LRP1B: variants seen among roughly 807,000 people sequenced by gnomAD.
The protein encoded by LRP1B is low-density lipoprotein receptor-related protein 1B.
LRP1B carries 217 observed loss-of-function variants against 556.6 expected under a neutral mutation model. The observed-to-expected ratio is 0.39, with a 90% confidence interval of 0.35 to 0.44. The LOEUF (loss-of-function observed/expected upper bound fraction) is 0.44. LRP1B is among the 20% of genes least tolerant of loss of function. The pLI is 1.00. For missense variants in LRP1B, 5,053 were observed against 5,620.8 expected (o/e 0.90, Z 3.23); for synonymous variants, 2,047 against 1,865.8 (o/e 1.10, Z -2.50).
chr2:140,804,038 T>TAAA, intron 32 of LRP1B, among the ~76,000 whole-genome samples: 1 of 151,172 alleles, frequency 6.6e-6, no homozygotes, highest in East Asian at 2.0e-4. Context: ...AGCTGCTTTT[T>TAAA]ACATTCAGGG....
At chr2:141,520,615 G>A in intron 2 of LRP1B, among the ~76,000 whole-genome samples, 1 of 152,018 alleles carries the variant, frequency 6.6e-6, no homozygotes, top group Non-Finnish European at 1.5e-5. Context: ...AACTGTGACG[G>A]CGATGGTAAA....
chr2:142,011,260 A>C (rs998325161), intron 1 of LRP1B, among the ~76,000 whole-genome samples: 6 of 152,184 alleles, frequency 3.9e-5, no homozygotes, highest in African/African-American at 1.4e-4. Flanking sequence ...GGAATCTCAA[A>C]AATCTTTGAA....
chr2:140,555,893 TA>T, intron 43 of LRP1B, among the ~76,000 whole-genome samples: 1 of 152,120 alleles, frequency 6.6e-6, no homozygotes, highest in Non-Finnish European at 1.5e-5. Flanking sequence ...GTCTATTTAG[TA>T]ACTTTGAGGT....
At chr2:140,519,082 A>G (rs1335292349) in intron 49 of LRP1B, among the ~76,000 whole-genome samples, 3 of 152,162 alleles carry the variant, frequency 2.0e-5, no homozygotes, top group African/African-American at 4.8e-5. Context: ...GCTACCAATG[A>G]CTTTCTTCAC....
chr2:141,546,560 C>G (rs559006833), intron 2 of LRP1B, among the ~76,000 whole-genome samples: 1 of 152,236 alleles, frequency 6.6e-6, no homozygotes, highest in Non-Finnish European at 1.5e-5. Context: ...GTCTTCAAAC[C>G]AAATTTATTC....
chr2:140,250,042 G>T (rs188469066), intron 86 of LRP1B, among the ~76,000 whole-genome samples: 1 of 151,794 alleles, frequency 6.6e-6, no homozygotes, highest in East Asian at 1.9e-4. Flanking sequence ...CCATGTGCTG[G>T]TCATCTTTAA....
chr2:140,517,926 G>C (rs1228077841), intron 49 of LRP1B, among the ~76,000 whole-genome samples: 2 of 151,850 alleles, frequency 1.3e-5, no homozygotes, highest in Non-Finnish European at 2.9e-5. Context: ...GGTCAGGCTG[G>C]TCTTGAACTT....
chr2:141,783,637 A>G (rs1254196760), intron 2 of LRP1B, among the ~76,000 whole-genome samples: 3 of 151,938 alleles, frequency 2.0e-5, no homozygotes, highest in African/African-American at 7.2e-5. Flanking sequence ...GTGTTATTTG[A>G]AACTTTCAGC....
chr2:141,464,606 A>ATATATATATATATATTTTTTTTTTTTTTT, intron 3 of LRP1B, among the ~76,000 whole-genome samples: 4 of 90,532 alleles, frequency 4.4e-5, no homozygotes, highest in African/African-American at 1.7e-4. Flanking sequence ...ATATATATAT[A>ATATATATATATATATTTTTTTTTTTTTTT]TTTTTTTAGT....
At chr2:141,773,182 G>A (rs2105620144) in intron 2 of LRP1B, among the ~76,000 whole-genome samples, 2 of 152,224 alleles carry the variant, frequency 1.3e-5, no homozygotes, top group Middle Eastern at 6.8e-3. Context: ...TTCATATTAT[G>A]ACATTATGGA....
intron 3 of LRP1B, among the ~76,000 whole-genome samples, chr2:141,477,991 AAAAG>A (rs1682775126): frequency 6.6e-6 from 1 of 152,190 alleles, no homozygotes; most frequent in African/African-American, 2.4e-5. Context: ...CACATGTGAT[AAAAG>A]AAAGAAAACT....
At chr2:140,918,620 C>T (rs888343500) in intron 21 of LRP1B, among the ~76,000 whole-genome samples, 1 of 152,012 alleles carries the variant, frequency 6.6e-6, no homozygotes, top group African/African-American at 2.4e-5. Context: ...GAATGCAATC[C>T]CACTGTGGTT....
chr2:141,929,444 C>T (rs1001731268), intron 1 of LRP1B, among the ~76,000 whole-genome samples: 2 of 150,424 alleles, frequency 1.3e-5, no homozygotes, highest in African/African-American at 2.5e-5. Flanking sequence ...ATATAACAGG[C>T]ATGCAAATGA....
At chr2:141,404,987 G>A (rs1037494382) in intron 3 of LRP1B, among the ~76,000 whole-genome samples, 4 of 152,006 alleles carry the variant, frequency 2.6e-5, no homozygotes, top group African/African-American at 4.8e-5. Context: ...AGCTACTCGG[G>A]AGGCTGAGGC....
intron 2 of LRP1B, among the ~76,000 whole-genome samples, chr2:141,575,398 G>A (rs918894738): frequency 2.6e-5 from 4 of 152,122 alleles, no homozygotes; most frequent in South Asian, 4.1e-4. Context: ...TGGGAAAACC[G>A]GCAAGCCATA....
intron 1 of LRP1B, among the ~76,000 whole-genome samples, chr2:141,989,337 T>G (rs1702281229): frequency 6.6e-6 from 1 of 151,970 alleles, no homozygotes; most frequent in African/African-American, 2.4e-5. Context: ...ACTTTAAAAA[T>G]TAGTCATAAT....
At chr2:141,265,529 C>A (rs1684854481) in intron 3 of LRP1B, among the ~76,000 whole-genome samples, 1 of 152,178 alleles carries the variant, frequency 6.6e-6, no homozygotes, top group Admixed American at 6.5e-5. Context: ...GTTCTTTCTA[C>A]TGAACGTCCT....
intron 41 of LRP1B, among the ~76,000 whole-genome samples, chr2:140,669,450 A>G (rs1236528695): frequency 6.6e-6 from 1 of 152,166 alleles, no homozygotes; most frequent in Non-Finnish European, 1.5e-5. Flanking sequence ...GTAATGATAA[A>G]CTAGAAGAGT....
chr2:140,240,772 T>G (rs543271260), intron 87 of LRP1B, among the ~76,000 whole-genome samples: 172 of 151,014 alleles, frequency 1.1e-3, no homozygotes, highest in African/African-American at 3.8e-3. Flanking sequence ...AATAGAACAT[T>G]AAAAATTCTG....
Sources: allele counts gnomAD v4.1 joint callset (sites outside exome capture counted in the v4.1 genomes callset), GRCh38; gene constraint gnomAD v4.1.1; transcripts MANE v1.5; gene names NCBI Gene and HGNC (gene_info 2026-07-23, HGNC 2026-07-21).